ANOS1: variants seen among roughly 807,000 people sequenced by gnomAD.
ANOS1 encodes anosmin 1, also known as anosmin-1.
A neutral mutation model predicts 59.0 loss-of-function variants in ANOS1; 6 were observed. The ratio of observed to expected loss-of-function variants is 0.10; its 90% CI spans 0.06 to 0.20. The LOEUF (loss-of-function observed/expected upper bound fraction) is 0.20, where lower values mean the gene tolerates loss of function less well. ANOS1 is among the 10% of genes least tolerant of loss of function. The pLI is 1.00. For missense variants in ANOS1, 433 were observed against 542.3 expected, an observed-to-expected ratio of 0.80 and a Z score of 2.00; for synonymous variants, 217 against 223.4, an observed-to-expected ratio of 0.97 and a Z score of 0.25.
intron 2 of ANOS1, among the ~76,000 whole-genome samples, chrX:8,695,306 C>A (rs150372654): frequency 9.0e-6 from 1 of 111,658 alleles, no homozygotes; most frequent in Non-Finnish European, 1.9e-5. Flanking sequence ...AGCGAGATTC[C>A]GTCTCTAAAT....
rs745551358 is a variant in ANOS1, at chrX:8,669,214, CA to C, written c.255+30483del. ...TCTCTTATGAAGACAACAAGAAGAC[CA>C]GGGGTGTGGAATGGGAGAAGGATGA... is the stretch of plus-strand genomic sequence containing the variant. On this transcript the variant is annotated intron_variant, in intron 2 of 13. Transcript: ENST00000262648. Among the ~76,000 whole-genome samples, 4 of 111,397 alleles carry C rather than the reference CA, an allele frequency of 3.6e-5. No individual in the cohort carries two copies. In the South Asian group the frequency reaches 1.1e-3, roughly 32 times the overall value.
chrX:8,702,410 C>A (rs1210167697), intron 1 of ANOS1, among the ~76,000 whole-genome samples: 1 of 111,340 alleles, frequency 9.0e-6, no homozygotes, highest in Non-Finnish European at 1.9e-5. Flanking sequence ...TTCAGAGGGG[C>A]CAGGCTGACT....
Position 8,551,062 on chromosome X carries a change from G to A in ANOS1, c.1354+2890C>T, listed in dbSNP as rs182639709. On this transcript the variant is annotated intron_variant, in intron 9 of 13. Coordinates refer to ENST00000262648, the MANE Select transcript of ANOS1 (RefSeq NM_000216.4). The stretch of plus-strand genomic sequence containing the variant: ...GACATGCTCTTTTGCCTACCACCAC[G>A]TAAGGTATGCCTTTGCTCCTCCTTC... Among the ~76,000 whole-genome samples, 366 of 111,429 alleles carry A rather than the reference G, an allele frequency of 3.3e-3. 2 individuals are homozygous for A. The highest frequency in any genetic ancestry group is 0.014 in the Middle Eastern group (3 of 216).
At chrX:8,566,111 T>C in intron 8 of ANOS1, 1 of 754,473 alleles carries the variant, frequency 1.3e-6, no homozygotes, top group Non-Finnish European at 1.6e-6. Context: ...CTTGTGGGCC[T>C]GCAGATCGCT....
At chrX:8,564,699 G>C (rs1930082581) in intron 8 of ANOS1, among the ~76,000 whole-genome samples, 1 of 111,476 alleles carries the variant, frequency 9.0e-6, no homozygotes, top group African/African-American at 3.3e-5. Flanking sequence ...CTCCACCTTA[G>C]AATACAGAAG....
rs1844107986 is a variant in ANOS1, at chrX:8,529,781, T to G, written c.*3214A>C. ...GAGGTACCATCCCTCAAGGGGTAGC[T>G]GGCAATATCTGGAGACATTTTTGGT... On this transcript the variant is annotated 3_prime_UTR_variant, in exon 14 of 14. Transcript: ENST00000262648. The G allele has an allele frequency of 9.0e-6, 1 of 111,431 alleles. No individual in the cohort carries two copies. Among genetic ancestry groups the G allele is most frequent in the African/African-American group, 3.3e-5 (1 of 30,590 alleles). The allele number at this position is 111,431 out of a possible 1,213,427, so 9.2% of individuals were successfully genotyped here. A position where few individuals can be genotyped will look rare whatever the true frequency, so the allele number is the denominator to read the frequency against.
chrX:8,609,975 C>A (rs535188328), intron 3 of ANOS1, among the ~76,000 whole-genome samples: 1 of 88,882 alleles, frequency 1.1e-5, no homozygotes, highest in South Asian at 6.4e-4. Context: ...CCACTGCACT[C>A]CAGCCTGGGC....
chrX:8,664,628 C>G (rs1360349254), intron 2 of ANOS1, among the ~76,000 whole-genome samples: 2 of 111,229 alleles, frequency 1.8e-5, no homozygotes, highest in Non-Finnish European at 3.8e-5. Flanking sequence ...TTCAGTTGAG[C>G]CTTTTCCATA....
At chrX:8,631,607 T>C (rs770411970) in intron 2 of ANOS1, among the ~76,000 whole-genome samples, 7 of 111,651 alleles carry the variant, frequency 6.3e-5, no homozygotes, top group Non-Finnish European at 1.1e-4. Context: ...ATGAGGTGAC[T>C]GGAACACGTT....
chrX:8,713,349 C>G (rs1274524805), intron 1 of ANOS1, among the ~76,000 whole-genome samples: 1 of 110,039 alleles, frequency 9.1e-6, no homozygotes, highest in East Asian at 2.9e-4. Flanking sequence ...AGAAGCCCGA[C>G]AGCATGACTG....
intron 2 of ANOS1, among the ~76,000 whole-genome samples, chrX:8,686,590 T>C (rs1932525591): frequency 8.9e-6 from 1 of 112,104 alleles, no homozygotes; most frequent in Admixed American, 9.5e-5. Flanking sequence ...AAATCCACAG[T>C]ATCCATAGGC....
chrX:8,690,399 G>C (rs1473658080), intron 2 of ANOS1, among the ~76,000 whole-genome samples: 1 of 112,225 alleles, frequency 8.9e-6, no homozygotes, highest in Non-Finnish European at 1.9e-5. Flanking sequence ...AAGAGATATT[G>C]TATAAGCATC....
chrX:8,688,243 C>A (rs190316199), intron 2 of ANOS1, among the ~76,000 whole-genome samples: 1 of 112,054 alleles, frequency 8.9e-6, no homozygotes, highest in East Asian at 2.8e-4. Flanking sequence ...AGACTGAAAT[C>A]CAATTCTGTC....
chrX:8,675,831 G>C (rs1026798002), intron 2 of ANOS1, among the ~76,000 whole-genome samples: 1 of 108,840 alleles, frequency 9.2e-6, no homozygotes, highest in Non-Finnish European at 1.9e-5. Context: ...GCATGCATTA[G>C]CTATTTGTTT....
chrX:8,627,679 T>C (rs1931418192), intron 2 of ANOS1, among the ~76,000 whole-genome samples: 1 of 111,036 alleles, frequency 9.0e-6, no homozygotes, highest in Admixed American at 9.6e-5. Flanking sequence ...GAGTAAATGT[T>C]TGCAGGATAA....
Position 8,610,034 on chromosome X carries a change from AAC to A in ANOS1, c.319-12780_319-12779del, listed in dbSNP as rs1330654699. Among the ~76,000 whole-genome samples the A allele has an allele frequency of 1.7e-4, 13 of 75,693 alleles. 2 individuals carry two copies. Among genetic ancestry groups the A allele is most frequent in the East Asian group, 3.7e-4 (1 of 2,722 alleles). 65.7% of individuals were successfully genotyped at this position (75,693 alleles called of 115,157 possible). On this transcript the variant is annotated intron_variant, in intron 3 of 13. Coordinates refer to ENST00000262648, the MANE Select transcript of ANOS1 (RefSeq NM_000216.4). ...AAAAAAAAAAAAAAAAAAAAAAAAAAACAACAACCTTTAAAGAGCACCCATTT... is the reference window on the plus strand; with the variant it reads ...AAAAAAAAAAAAAAAAAAAAAAAAAAAACAACCTTTAAAGAGCACCCATTT...
intron 6 of ANOS1, among the ~76,000 whole-genome samples, chrX:8,578,317 T>TAAAA (rs3057370): frequency 1.0e-5 from 1 of 98,399 alleles, no homozygotes; most frequent in African/African-American, 3.7e-5. Flanking sequence ...CCTTCTCCCT[T>TAAAA]AAAAAAAAAA....
intron 3 of ANOS1, among the ~76,000 whole-genome samples, chrX:8,598,205 C>T (rs1297313628): frequency 8.9e-6 from 1 of 112,012 alleles, no homozygotes; most frequent in Non-Finnish European, 1.9e-5. Context: ...TTATCTGTGA[C>T]ACAGTTGGGG....
intron 4 of ANOS1, among the ~76,000 whole-genome samples, chrX:8,592,448 C>T (rs1433296197): frequency 8.9e-6 from 1 of 111,879 alleles, no homozygotes; most frequent in Admixed American, 9.5e-5. Context: ...CTTGGTTTAT[C>T]CATGGCAAAA....
Sources: allele counts gnomAD v4.1 joint callset (sites outside exome capture counted in the v4.1 genomes callset), GRCh38; gene constraint gnomAD v4.1.1; transcripts MANE v1.5; gene names NCBI Gene and HGNC (gene_info 2026-07-23, HGNC 2026-07-21).